Variants in MET observed in about 807,000 individuals in gnomAD.
The protein encoded by MET is hepatocyte growth factor receptor.
Under a neutral mutation model 133.1 loss-of-function variants are expected in MET, and 48 were observed. The ratio of observed to expected loss-of-function variants is 0.36; its 90% CI spans 0.29 to 0.46. MET has a LOEUF of 0.46. MET is among the 20% of genes least tolerant of loss of function. The pLI, the probability that MET is intolerant of heterozygous loss-of-function variation, is 1.00. For missense variants in MET, 1,442 were observed against 1,695.9 expected, an observed-to-expected ratio of 0.85 and a Z score of 2.63; for synonymous variants, 628 against 616.5, an observed-to-expected ratio of 1.02 and a Z score of -0.28.
intron 12 of MET, among the ~76,000 whole-genome samples, chr7:116,770,844 A>G (rs1223414655): frequency 6.6e-6 from 1 of 152,174 alleles, no homozygotes; most frequent in Non-Finnish European, 1.5e-5. Flanking sequence ...TGATTTTTAA[A>G]GGGTTCCTGA....
Position 116,798,172 on chromosome 7 carries a change from A to G in MET, c.*2048A>G, listed in dbSNP as rs1310964979. 4.7e-6 allele frequency: 1 copy of G among 214,984 alleles called. No individual in the cohort carries two copies. Among genetic ancestry groups the G allele is most frequent in the Non-Finnish European group, 9.4e-6 (1 of 106,234 alleles). 13.3% of individuals were successfully genotyped at this position (214,984 alleles called of 1,614,324 possible). A position where few individuals can be genotyped will look rare whatever the true frequency, so the allele number is the denominator to read the frequency against. On this transcript the variant is annotated 3_prime_UTR_variant, in exon 21 of 21. Transcript: ENST00000397752. ...AACAGGACTACACACTTGTATATACATTCTTGAGAACACTGCAATGTGAAA... is the reference window on the plus strand; with the variant it reads ...AACAGGACTACACACTTGTATATACGTTCTTGAGAACACTGCAATGTGAAA...
At chr7:116,758,130 G>A (rs192590250) in intron 8 of MET, among the ~76,000 whole-genome samples, 32 of 152,222 alleles carry the variant, frequency 2.1e-4, no homozygotes, top group Admixed American at 1.9e-3. Flanking sequence ...AGTCACTCTG[G>A]GGAAGGAAGA....
intron 1 of MET, among the ~76,000 whole-genome samples, chr7:116,697,602 G>T (rs777212789): frequency 6.6e-6 from 1 of 151,944 alleles, no homozygotes; most frequent in South Asian, 2.1e-4. Context: ...TTCGAATTTC[G>T]GCTTAATTTT....
chr7:116,775,201 G>C (rs779356180), intron 15 of MET, 90 bp downstream of exon 15: 26 of 1,188,782 alleles, frequency 2.2e-5, no homozygotes, highest in Non-Finnish European at 3.2e-5. Flanking sequence ...TTAGACAATG[G>C]TGAAAGCAAC....
chr7:116,725,865 G>A (rs897860647), intron 2 of MET, among the ~76,000 whole-genome samples: 2 of 149,478 alleles, frequency 1.3e-5, no homozygotes, highest in Non-Finnish European at 3.0e-5. Flanking sequence ...GACTAGAAAA[G>A]GCACAGTACA....
chr7:116,698,927 A>C, intron 1 of MET, 144 bp from the exon 2 acceptor site: 1 of 1,138,398 alleles, frequency 8.8e-7, no homozygotes, highest in Non-Finnish European at 1.2e-6. Context: ...TCTTTATGTG[A>C]AACTTGCTAG....
chr7:116,675,995 C>G (rs1796146795), intron 1 of MET, among the ~76,000 whole-genome samples: 1 of 152,126 alleles, frequency 6.6e-6, no homozygotes, highest in African/African-American at 2.4e-5. Flanking sequence ...CCAGTAAAAT[C>G]TGACTACTTT....
rs1793003267 is a variant in MET, at chr7:116,731,550, A to G, written c.1201-118A>G. The G allele has an allele frequency of 1.4e-5, 14 of 1,019,850 alleles. No homozygotes were observed. In the Middle Eastern group the frequency reaches 2.2e-3, roughly 160 times the overall value. 63.2% of individuals were successfully genotyped at this position (1,019,850 alleles called of 1,614,324 possible). On this transcript the variant is annotated intron_variant, in intron 2 of 20. Transcript: ENST00000397752. ...TATGCCTATCTGTGGCTATTTGTCT[A>G]TTTGCATGATTATCCTTGCCATTAT...
intron 10 of MET, among the ~76,000 whole-genome samples, chr7:116,762,694 C>A (rs557182947): frequency 3.3e-5 from 5 of 152,230 alleles, no homozygotes; most frequent in Admixed American, 2.0e-4. Context: ...CTTCTAACCC[C>A]ACAAAGCTGA....
chr7:116,773,718 T>G (rs1288921729), intron 14 of MET, among the ~76,000 whole-genome samples: 1 of 152,182 alleles, frequency 6.6e-6, no homozygotes, highest in South Asian at 2.1e-4. Context: ...TCTTGTCTTT[T>G]TTCTGGCTAG....
intron 1 of MET, among the ~76,000 whole-genome samples, chr7:116,697,063 A>T (rs1796989444): frequency 6.6e-6 from 1 of 152,178 alleles, no homozygotes; most frequent in African/African-American, 2.4e-5. Context: ...ATATGCACTC[A>T]TTTCCCAGCA....
intron 2 of MET, among the ~76,000 whole-genome samples, chr7:116,723,683 G>A (rs895749698): frequency 3.3e-5 from 5 of 152,258 alleles, no homozygotes; most frequent in Non-Finnish European, 1.5e-5. Flanking sequence ...CTTTCTGTTT[G>A]TTAGTTTTCC....
chr7:116,705,038 CA>C (rs1465710400), intron 2 of MET, among the ~76,000 whole-genome samples: 1 of 151,708 alleles, frequency 6.6e-6, no homozygotes, highest in Non-Finnish European at 1.5e-5. Flanking sequence ...TCAGAGCCAT[CA>C]AAGGAAGAAA....
At chr7:116,698,959 TA>T in intron 1 of MET, 111 bp from the exon 2 acceptor site, 3 of 1,483,574 alleles carry the variant, frequency 2.0e-6, no homozygotes, top group Non-Finnish European at 1.8e-6. Flanking sequence ...TCCTTCTATG[TA>T]AAAGTCCAGT....
At chr7:116,693,434 C>T (rs932546762) in intron 1 of MET, among the ~76,000 whole-genome samples, 12 of 152,152 alleles carry the variant, frequency 7.9e-5, no homozygotes, top group Non-Finnish European at 1.8e-4. Context: ...AGCCAGCACA[C>T]AGCTGGTTCA....
chr7:116,695,129 A>G (rs1345107152), intron 1 of MET, among the ~76,000 whole-genome samples: 1 of 152,216 alleles, frequency 6.6e-6, no homozygotes, highest in Non-Finnish European at 1.5e-5. Context: ...CAGAAAATAC[A>G]GCAATAAATT....
rs2116834990 is a variant in MET at position 116,740,900 on chromosome 7, T to G, written c.1576T>G (p.Cys526Gly). 1 of 1,614,212 alleles carries G rather than the reference T, an allele frequency of 6.2e-7. No homozygotes were observed. The change falls in exon 5 of 21, where the codon TGC becomes GGC. Residue 526 changes from cysteine (C) to glycine (G), a missense_variant. By Grantham distance (159) the Cys-to-Gly change is radical. Around this residue, in one of 6 missense-constraint regions of MET, gnomAD observed 762 missense variants for 792.4 expected, o/e 0.96. Transcript: ENST00000397752. ...CTTGGGCTGCAGACATTTCCAGTCC[T>G]GCAGTCAATGCCTCTCTGCCCCACC... is the stretch of plus-strand genomic sequence containing the variant. ...NGLGCRHFQS[C>G]SQCLSAPPFV...
chr7:116,693,041 G>A (rs1796830547), intron 1 of MET, among the ~76,000 whole-genome samples: 1 of 152,146 alleles, frequency 6.6e-6, no homozygotes, highest in Non-Finnish European at 1.5e-5. Context: ...TATGAAAAGT[G>A]AAAGTATTTC....
At chr7:116,733,172 C>T (rs147603374) in intron 3 of MET, among the ~76,000 whole-genome samples, 83 of 152,138 alleles carry the variant, frequency 5.5e-4, no homozygotes, top group Non-Finnish European at 1.0e-3. Context: ...GAAATATGCT[C>T]ATATCTATTA....
Sources: allele counts gnomAD v4.1 joint callset (sites outside exome capture counted in the v4.1 genomes callset), GRCh38; gene constraint gnomAD v4.1.1; regional missense constraint gnomAD v4.1.1; transcripts MANE v1.5; gene names NCBI Gene and HGNC (gene_info 2026-07-23, HGNC 2026-07-21).